The following TCF12 variants were observed in gnomAD, a reference collection of about 807,000 sequenced individuals.
TCF12 encodes transcription factor 12.
In TCF12, 45 loss-of-function variants were observed where a neutral mutation model predicts 86.0. The observed-to-expected ratio is 0.52, with a 90% CI of 0.41 to 0.67. TCF12 has a LOEUF of 0.67. TCF12 is among the 30% of genes least tolerant of loss of function. The pLI, the probability that TCF12 is intolerant of heterozygous loss-of-function variation, is 0.00. For synonymous variants in TCF12, 330 were observed against 299.6 expected, an observed-to-expected ratio of 1.10 and a Z score of -1.05; for missense variants, 881 against 859.9, an observed-to-expected ratio of 1.02 and a Z score of -0.31.
At chr15:57,278,040 C>T (rs2061487528) in intron 19 of TCF12, among the ~76,000 whole-genome samples, 1 of 151,980 alleles carries the variant, frequency 6.6e-6, no homozygotes. Flanking sequence ...ACTGTATTGC[C>T]CAGGGTGGTC....
At chr15:57,172,070 G>T (rs1362014919) in intron 6 of TCF12, among the ~76,000 whole-genome samples, 2 of 152,052 alleles carry the variant, frequency 1.3e-5, no homozygotes, top group Non-Finnish European at 2.9e-5. Flanking sequence ...ACTCTTAGTT[G>T]TTTGGAGATA....
intron 5 of TCF12, among the ~76,000 whole-genome samples, chr15:57,119,666 A>G (rs1479478583): frequency 6.6e-6 from 1 of 151,916 alleles, no homozygotes; most frequent in South Asian, 2.1e-4. Flanking sequence ...GATACTGTAT[A>G]CTTTGGATTT....
At position 57,077,162 on chromosome 15, in the gene TCF12, A is replaced by G. The variant is rs796907755; in HGVS notation, c.222+13339A>G. On this transcript the variant is annotated intron_variant, in intron 4 of 20. Coordinates refer to ENST00000333725, the MANE Select transcript of TCF12 (RefSeq NM_207037.2). ...TTTGCATATATATATTGAAAACTTT[A>G]AAACCAGTATGTCAGTTTCTACGAA... 4.6e-5 allele frequency among the ~76,000 whole-genome samples: 7 copies of G among 152,234 alleles called. 1 individual carries two copies. Among genetic ancestry groups the G allele is most frequent in the African/African-American group, 1.7e-4 (7 of 41,530 alleles).
In TCF12 at chr15:57,263,248, C is replaced by G. The variant is rs1288507741; in HGVS notation, c.1719C>G (p.Ile573Met). The change falls in exon 18 of 21, where the codon ATC becomes ATG. Residue 573 changes from isoleucine (I) to methionine (M), a missense_variant. Ile to Met is a conservative substitution (Grantham distance 10). Transcript: ENST00000333725. ...ATGATGAATCCTCCCAAAAAGATAT[C>G]AAGGTTTCATCTAGAGGCAGAACAA... ...KSDDESSQKD[I>M]KVSSRGRTSS... 2 of 1,610,914 alleles carry G rather than the reference C, an allele frequency of 1.2e-6. No individual in the cohort carries two copies. The highest frequency in any genetic ancestry group is 2.2e-5 in the East Asian group (1 of 44,756).
rs28660404 is a variant in TCF12 at position 56,962,132 on chromosome 15, C to T, written c.148+41034C>T. ...TGGGTGACAGAGCGAGACTCCGTCT[C>T]AAAAAAAAAAAAAAAAAAAAAAATA... On this transcript the variant is annotated intron_variant, in intron 3 of 20. Coordinates refer to ENST00000333725, the MANE Select transcript of TCF12 (RefSeq NM_207037.2). Among the ~76,000 whole-genome samples the T allele has an allele frequency of 9.7e-3, 612 of 63,062 alleles. 20 individuals carry two copies. The highest frequency in any genetic ancestry group is 0.031 in the African/African-American group (573 of 18,350). 41.4% of individuals were successfully genotyped at this position (63,062 alleles called of 152,430 possible). A position where few individuals can be genotyped will look rare whatever the true frequency, so the allele number is the denominator to read the frequency against.
intron 3 of TCF12, among the ~76,000 whole-genome samples, chr15:57,050,576 A>T (rs1358822163): frequency 1.3e-5 from 2 of 151,994 alleles, no homozygotes; most frequent in Non-Finnish European, 2.9e-5. Flanking sequence ...AGTTCATTGG[A>T]TCTACAGTTT....
At chr15:56,979,000 C>A (rs1483627841) in intron 3 of TCF12, among the ~76,000 whole-genome samples, 1 of 152,174 alleles carries the variant, frequency 6.6e-6, no homozygotes, top group African/African-American at 2.4e-5. Flanking sequence ...CAGCACAACT[C>A]TAGGCAGTTT....
intron 5 of TCF12, among the ~76,000 whole-genome samples, chr15:57,145,769 A>G (rs1165310224): frequency 6.6e-6 from 1 of 152,162 alleles, no homozygotes; most frequent in African/African-American, 2.4e-5. Context: ...CTGATCTCTA[A>G]AAGCTAACTC....
chr15:57,079,256 T>C (rs1271901937), intron 4 of TCF12, among the ~76,000 whole-genome samples: 1 of 152,220 alleles, frequency 6.6e-6, no homozygotes, highest in African/African-American at 2.4e-5. Flanking sequence ...TTTTCTCTGG[T>C]AATGGATCAG....
chr15:57,247,202 C>T (rs1460235582), intron 13 of TCF12: 6 of 609,754 alleles, frequency 9.8e-6, no homozygotes, highest in Non-Finnish European at 1.8e-5. Flanking sequence ...GCCCCCTCTA[C>T]TACTGTAACC....
intron 3 of TCF12, among the ~76,000 whole-genome samples, chr15:56,993,205 C>T (rs2063538318): frequency 6.6e-6 from 1 of 152,074 alleles, no homozygotes. Context: ...GCTCAAGGAA[C>T]AGGAAAGATA....
At chr15:57,121,197 T>C (rs2051202570) in intron 5 of TCF12, among the ~76,000 whole-genome samples, 1 of 152,206 alleles carries the variant, frequency 6.6e-6, no homozygotes, top group Non-Finnish European at 1.5e-5. Flanking sequence ...AAACTGAGGT[T>C]CTTTCGCTAG....
intron 3 of TCF12, among the ~76,000 whole-genome samples, chr15:56,958,550 T>C (rs2061593293): frequency 6.6e-6 from 1 of 152,298 alleles, no homozygotes; most frequent in East Asian, 1.9e-4. Context: ...CGCATGTATC[T>C]AGTGACTACC....
intron 3 of TCF12, among the ~76,000 whole-genome samples, chr15:57,056,709 T>G (rs1191533195): frequency 6.6e-6 from 1 of 152,200 alleles, no homozygotes; most frequent in African/African-American, 2.4e-5. Context: ...TCCACCTGCC[T>G]TGGCCTCCCA....
intron 8 of TCF12, among the ~76,000 whole-genome samples, chr15:57,224,149 T>TTTATGAA (rs142345235): frequency 0.03 from 4,631 of 152,168 alleles, 99 homozygotes; most frequent in South Asian, 0.064. Context: ...ACTGGTCAAC[T>TTTATGAA]TTATGAATGT....
At chr15:57,269,694 C>T (rs1361607698) in intron 18 of TCF12, among the ~76,000 whole-genome samples, 11 of 152,156 alleles carry the variant, frequency 7.2e-5, no homozygotes, top group Middle Eastern at 6.8e-3. Flanking sequence ...TGGCTGGTAC[C>T]GGTTGTTGCT....
At chr15:57,013,527 G>A (rs1346795710) in intron 3 of TCF12, among the ~76,000 whole-genome samples, 1 of 152,094 alleles carries the variant, frequency 6.6e-6, no homozygotes, top group Non-Finnish European at 1.5e-5. Flanking sequence ...CACCATGTTG[G>A]CCAGGCTAAT....
At chr15:57,189,152 C>T (rs1224342296) in intron 6 of TCF12, among the ~76,000 whole-genome samples, 1 of 152,116 alleles carries the variant, frequency 6.6e-6, no homozygotes, top group South Asian at 2.1e-4. Context: ...ATAAAATTCT[C>T]AGGAGAAAGT....
chr15:57,198,643 T>C (rs1267054785), intron 8 of TCF12, among the ~76,000 whole-genome samples: 1 of 152,212 alleles, frequency 6.6e-6, no homozygotes, highest in Non-Finnish European at 1.5e-5. Flanking sequence ...GAAGTTTTTT[T>C]TTCTTCTCCC....
Sources: gnomAD v4.1 joint callset for allele counts (sites outside exome capture counted in the v4.1 genomes callset) on GRCh38, gnomAD v4.1.1 for gene constraint, MANE v1.5 for transcripts, NCBI Gene and HGNC (gene_info 2026-07-23, HGNC 2026-07-21) for gene names.